ROR2: variants seen among roughly 807,000 people sequenced by gnomAD.
ROR2 encodes ROR family WNT receptor 2.
ROR2 carries 33 observed loss-of-function variants against 74.9 expected under a neutral mutation model. That is an observed-to-expected ratio of 0.44 (90% CI 0.33 to 0.59). The LOEUF (loss-of-function observed/expected upper bound fraction) is 0.59. Ranked by LOEUF, ROR2 falls within the 20% of genes least tolerant of loss-of-function variation. ROR2 has a pLI of 0.02. For synonymous variants in ROR2, 586 were observed against 558.7 expected, an observed-to-expected ratio of 1.05 and a Z score of -0.69; for missense variants, 1,216 against 1,313.8, an observed-to-expected ratio of 0.93 and a Z score of 1.15.
chr9:91,793,892 T>C (rs1827087158), intron 1 of ROR2, among the ~76,000 whole-genome samples: 1 of 152,228 alleles, frequency 6.6e-6, no homozygotes, highest in African/African-American at 2.4e-5. Context: ...AGTTCATGCA[T>C]GACAATGGAA....
Position 91,724,877 on chromosome 9 carries a change from C to G in ROR2, c.1617G>C (p.Leu539=). The stretch of plus-strand genomic sequence containing the variant: ...GCTGGTCCTTGGTCACCACGCCCAG[C>G]AGGCAGACGACGTTGGGGTGTTGCA... The part of the protein sequence containing the change: ...ARLQHPNVVC[L]LGVVTKDQPL... Residue 539 remains leucine (L), a synonymous_variant, in exon 9 of 9, where the codon CTG becomes CTC. Transcript: ENST00000375708. 1 of 1,602,824 alleles carries G rather than the reference C, an allele frequency of 6.2e-7. No homozygotes were observed. The highest frequency in any genetic ancestry group is 8.5e-7 in the Non-Finnish European group (1 of 1,172,578).
intron 1 of ROR2, among the ~76,000 whole-genome samples, chr9:91,929,169 G>A (rs541442788): frequency 2.0e-5 from 3 of 152,184 alleles, no homozygotes; most frequent in African/African-American, 4.8e-5. Flanking sequence ...ATAAAAGAGC[G>A]CTATGATCAA....
intron 1 of ROR2, among the ~76,000 whole-genome samples, chr9:91,781,337 G>A (rs778451410): frequency 1.5e-4 from 23 of 152,336 alleles, no homozygotes; most frequent in Admixed American, 5.2e-4. Flanking sequence ...TGCACCCACT[G>A]TCCCACTTGC....
At chr9:91,781,350 G>A (rs958245669) in intron 1 of ROR2, among the ~76,000 whole-genome samples, 5 of 152,236 alleles carry the variant, frequency 3.3e-5, no homozygotes, top group East Asian at 1.9e-4. Flanking sequence ...CCACTTGCAC[G>A]TGCAAATGTC....
At chr9:91,745,189 G>A (rs776833507) in intron 4 of ROR2, among the ~76,000 whole-genome samples, 12 of 151,844 alleles carry the variant, frequency 7.9e-5, no homozygotes, top group African/African-American at 1.9e-4. Context: ...GCAGTGGCGC[G>A]ATCTCGGCTC....
At chr9:91,847,093 T>C (rs576340042) in intron 1 of ROR2, among the ~76,000 whole-genome samples, 1 of 152,098 alleles carries the variant, frequency 6.6e-6, no homozygotes, top group East Asian at 1.9e-4. Context: ...TGGGGGAAGA[T>C]GGAGGATGAC....
At chr9:91,808,065 CAAG>C (rs1471880706) in intron 1 of ROR2, among the ~76,000 whole-genome samples, 2 of 151,446 alleles carry the variant, frequency 1.3e-5, no homozygotes, top group Non-Finnish European at 2.9e-5. Context: ...TGACAGCTAA[CAAG>C]AAGAAAATTA....
intron 4 of ROR2, among the ~76,000 whole-genome samples, chr9:91,742,446 T>G (rs1276165852): frequency 6.6e-6 from 1 of 152,092 alleles, no homozygotes; most frequent in African/African-American, 2.4e-5. Flanking sequence ...GAAGAAGGTG[T>G]AGTGAAGATG....
chr9:91,748,951 G>A (rs889713723), intron 4 of ROR2, among the ~76,000 whole-genome samples: 4 of 152,174 alleles, frequency 2.6e-5, no homozygotes, highest in African/African-American at 9.7e-5. Flanking sequence ...ACTTGAACCT[G>A]GGAGGCGGAG....
At chr9:91,825,616 C>G (rs1001673401) in intron 1 of ROR2, among the ~76,000 whole-genome samples, 2 of 152,026 alleles carry the variant, frequency 1.3e-5, no homozygotes, top group Admixed American at 1.3e-4. Context: ...CGGGAGAGAA[C>G]AGGGGGCACA....
intron 1 of ROR2, among the ~76,000 whole-genome samples, chr9:91,855,110 AAC>A (rs1486801251): frequency 1.3e-5 from 2 of 152,146 alleles, no homozygotes; most frequent in African/African-American, 4.8e-5. Flanking sequence ...AAAATATCTT[AAC>A]TTTAAGTCAA....
chr9:91,946,309 A>G (rs1021515932), intron 1 of ROR2, among the ~76,000 whole-genome samples: 1 of 152,242 alleles, frequency 6.6e-6, no homozygotes, highest in African/African-American at 2.4e-5. Flanking sequence ...AAATATCCTA[A>G]TGACAATGTA....
chr9:91,778,559 T>C (rs1264795577), intron 1 of ROR2, among the ~76,000 whole-genome samples: 1 of 152,230 alleles, frequency 6.6e-6, no homozygotes, highest in African/African-American at 2.4e-5. Flanking sequence ...AGAGGCCACG[T>C]GGCCTTCTGG....
Position 91,830,879 on chromosome 9 carries a change from T to C in ROR2, c.98-55061A>G, listed in dbSNP as rs1384565252. The stretch of plus-strand genomic sequence containing the variant: ...GTAGAGAAACTCAAGTTTGAAAAGG[T>C]AGACATCAAACTGTTACCAGGAGCT... On this transcript the variant is annotated intron_variant, in intron 1 of 8. Coordinates refer to ENST00000375708, the MANE Select transcript of ROR2 (RefSeq NM_004560.4). 2.7e-5 allele frequency among the ~76,000 whole-genome samples: 4 copies of C among 148,754 alleles called. No individual in the cohort carries two copies. The East Asian group carries it at 5.9e-4, about 22-fold the overall frequency.
chr9:91,900,670 G>A lies in ROR2; in HGVS notation c.97+49197C>T, dbSNP rs558134051. Among the ~76,000 whole-genome samples, 7 of 152,316 alleles carry A rather than the reference G, an allele frequency of 4.6e-5. No homozygotes were observed. In the East Asian group the frequency reaches 1.4e-3, roughly 29 times the overall value. On this transcript the variant is annotated intron_variant, in intron 1 of 8. Coordinates refer to ENST00000375708, the MANE Select transcript of ROR2 (RefSeq NM_004560.4). ...GGGCACGTCGGTTCCATGGACTGGGGGCAGCTGGGCCGCCAAGGCCACTCC... is the reference window on the plus strand; with the variant it reads ...GGGCACGTCGGTTCCATGGACTGGGAGCAGCTGGGCCGCCAAGGCCACTCC...
chr9:91,926,983 C>T (rs979525990), intron 1 of ROR2, among the ~76,000 whole-genome samples: 2 of 152,118 alleles, frequency 1.3e-5, no homozygotes, highest in Non-Finnish European at 2.9e-5. Context: ...ATGCTCAAAA[C>T]CAATTAAGAT....
chr9:91,783,458 G>T (rs1441707986), intron 1 of ROR2, among the ~76,000 whole-genome samples: 1 of 152,110 alleles, frequency 6.6e-6, no homozygotes, highest in Non-Finnish European at 1.5e-5. Flanking sequence ...GCATGCCCAG[G>T]AACTGCCAAC....
chr9:91,836,046 C>T (rs1587766957), intron 1 of ROR2, among the ~76,000 whole-genome samples: 1 of 152,304 alleles, frequency 6.6e-6, no homozygotes, highest in African/African-American at 2.4e-5. Context: ...CTGCATTCCC[C>T]CGCTAAACAA....
intron 1 of ROR2, among the ~76,000 whole-genome samples, chr9:91,839,018 G>C (rs974908896): frequency 6.6e-6 from 1 of 152,092 alleles, no homozygotes; most frequent in Non-Finnish European, 1.5e-5. Flanking sequence ...GTCAAAAATG[G>C]CATTAAAATA....
Sources: gnomAD v4.1 joint callset for allele counts (sites outside exome capture counted in the v4.1 genomes callset) on GRCh38, gnomAD v4.1.1 for gene constraint, MANE v1.5 for transcripts, NCBI Gene and HGNC (gene_info 2026-07-23, HGNC 2026-07-21) for gene names.